CDC7: variants seen among roughly 807,000 people sequenced by gnomAD.
CDC7 encodes the protein cell division cycle 7.
In CDC7, 34 loss-of-function variants were observed where a neutral mutation model predicts 53.5. The observed-to-expected ratio is 0.64, with a 90% CI of 0.48 to 0.85. CDC7 has a LOEUF of 0.85. CDC7 is among the 40% of genes least tolerant of loss of function. CDC7 has a pLI of 0.00. For missense variants in CDC7, 594 were observed against 679.7 expected (o/e 0.87, Z 1.40); for synonymous variants, 211 against 222.8 (o/e 0.95, Z 0.47).
chr1:91,502,453 T>C (rs967078199), intron 2 of CDC7, among the ~76,000 whole-genome samples: 23 of 152,196 alleles, frequency 1.5e-4, no homozygotes, highest in African/African-American at 5.5e-4. Context: ...CTGTATTTTT[T>C]TTTTTCTGAA....
At position 91,524,679 on chromosome 1, in the gene CDC7, AT is replaced by A; in HGVS notation, c.*246del. 1 of 386,326 alleles carries A rather than the reference AT, an allele frequency of 2.6e-6. No homozygotes were observed. The highest frequency in any genetic ancestry group is 4.6e-6 in the Non-Finnish European group (1 of 218,390). The allele number at this position is 386,326 out of a possible 1,614,324, so 23.9% of individuals were successfully genotyped here. A position where few individuals can be genotyped will look rare whatever the true frequency, so the allele number is the denominator to read the frequency against. ...CTAAGTAGATTTTAGGTGGGTTCCT[AT>A]TAGGTCAGATTTTTAGCTTCCCTAA... On this transcript the variant is annotated 3_prime_UTR_variant, in exon 12 of 12. Coordinates refer to ENST00000234626, the MANE Select transcript of CDC7 (RefSeq NM_003503.4).
intron 5 of CDC7, 42 bp from the exon 6 acceptor site, chr1:91,511,739 A>C: frequency 6.3e-7 from 1 of 1,597,066 alleles, no homozygotes; most frequent in Non-Finnish European, 8.6e-7. Context: ...ATTTAATTGC[A>C]AACAATATTT....
At chr1:91,502,580 T>C (rs1177201281) in intron 2 of CDC7, among the ~76,000 whole-genome samples, 4 of 152,236 alleles carry the variant, frequency 2.6e-5, no homozygotes, top group Non-Finnish European at 5.9e-5. Context: ...TAGAAAAATA[T>C]GACATCACAT....
At chr1:91,509,558 T>C (rs1276797844) in intron 4 of CDC7, among the ~76,000 whole-genome samples, 1 of 152,178 alleles carries the variant, frequency 6.6e-6, no homozygotes, top group Non-Finnish European at 1.5e-5. Context: ...AGTTCATCCA[T>C]GTCTTTCTGT....
chr1:91,511,437 G>A (rs559850332), intron 4 of CDC7, among the ~76,000 whole-genome samples, 160 bp from the exon 5 acceptor site: 1 of 152,124 alleles, frequency 6.6e-6, no homozygotes, highest in African/African-American at 2.4e-5. Context: ...ACTTTAACAC[G>A]AGAACACAAG....
intron 7 of CDC7, 137 bp from the exon 8 acceptor site, chr1:91,513,811 T>C: frequency 1.7e-6 from 1 of 587,990 alleles, no homozygotes; most frequent in South Asian, 2.0e-5. Context: ...CAGAAGTGGT[T>C]TGGTGCCTGA....
intron 10 of CDC7, among the ~76,000 whole-genome samples, chr1:91,519,694 A>G (rs1023535235): frequency 1.1e-4 from 17 of 152,238 alleles, no homozygotes; most frequent in Non-Finnish European, 1.5e-4. Context: ...AAGAGCTTCT[A>G]ATGTTCATTA....
intron 9 of CDC7, 68 bp from the exon 10 acceptor site, chr1:91,515,726 G>T (rs1667524614): frequency 6.3e-7 from 1 of 1,581,332 alleles, no homozygotes; most frequent in South Asian, 1.2e-5. Context: ...CTAAATTGAT[G>T]AATGTTATTT....
At chr1:91,516,115 C>T (rs368365057) in intron 10 of CDC7, among the ~76,000 whole-genome samples, 38 of 150,978 alleles carry the variant, frequency 2.5e-4, no homozygotes, top group African/African-American at 6.8e-4. Context: ...TTACATTTTG[C>T]GTATTTATTT....
Position 91,515,659 on chromosome 1 carries a change from T to G in CDC7, c.1098-135T>G, listed in dbSNP as rs534345891. 1.5e-5 allele frequency: 15 copies of G among 995,264 alleles called. No individual in the cohort carries two copies. In the East Asian group the frequency reaches 2.8e-4, roughly 18 times the overall value. The allele number at this position is 995,264 out of a possible 1,614,324, so 61.7% of individuals were successfully genotyped here. On this transcript the variant is annotated intron_variant, in intron 9 of 11. Transcript: ENST00000234626. ...CTAGGATTTTTATCACACTAGATTATCATTTACTTTATAGTAACACTTATT... is the reference window on the plus strand; with the variant it reads ...CTAGGATTTTTATCACACTAGATTAGCATTTACTTTATAGTAACACTTATT...
At chr1:91,515,926 C>A (rs759236240) in intron 10 of CDC7, 50 bp downstream of exon 10, 2 of 1,396,004 alleles carry the variant, frequency 1.4e-6, no homozygotes, top group South Asian at 1.2e-5. Flanking sequence ...TTGTTCCAGA[C>A]GTATTTTATT....
At chr1:91,511,744 A>G (rs1667297337) in intron 5 of CDC7, 37 bp from the exon 6 acceptor site, 5 of 1,598,564 alleles carry the variant, frequency 3.1e-6, no homozygotes, top group Non-Finnish European at 4.3e-6. Context: ...ATTGCAAACA[A>G]TATTTGTAAC....
chr1:91,513,244 AG>A lies in CDC7; in HGVS notation c.760del (p.Ala254LeufsTer25), dbSNP rs769102347. 6.2e-7 allele frequency: 1 copy of A among 1,613,524 alleles called. No individual in the cohort carries two copies. On this transcript the variant is annotated frameshift_variant, in exon 7 of 12. Coordinates refer to ENST00000234626, the MANE Select transcript of CDC7 (RefSeq NM_003503.4). LOFTEE classifies it high-confidence loss of function. ...AGCTGGATCAGCAGTCCACCACAAA[AG>A]CTTCTGTTAAAAGACCCTACACAAA... Reference protein sequence around the residue: ...KELDQQSTTKASVKRPYTNAQ... With the variant: ...KELDQQSTTKXSVKRPYTNAQ...
intron 6 of CDC7, 70 bp from the exon 7 acceptor site, chr1:91,512,988 T>G: frequency 2.5e-5 from 32 of 1,280,400 alleles, no homozygotes; most frequent in Non-Finnish European, 3.3e-5. Context: ...GAGGATGGTT[T>G]GAGAGTATTA....
chr1:91,502,829 C>T (rs912127593), intron 2 of CDC7, among the ~76,000 whole-genome samples: 1 of 152,168 alleles, frequency 6.6e-6, no homozygotes, highest in African/African-American at 2.4e-5. Flanking sequence ...TTCCATTCTT[C>T]AGTTCATCTT....
rs1280027180 is a variant in CDC7 at position 91,524,681 on chromosome 1, TAGGTC to T, written c.*249_*253del. 1 of 385,142 alleles carries T rather than the reference TAGGTC, an allele frequency of 2.6e-6. No individual in the cohort carries two copies. The highest frequency in any genetic ancestry group is 4.1e-5 in the East Asian group (1 of 24,210). 23.9% of individuals were successfully genotyped at this position (385,142 alleles called of 1,614,324 possible). On this transcript the variant is annotated 3_prime_UTR_variant, in exon 12 of 12. Coordinates refer to ENST00000234626, the MANE Select transcript of CDC7 (RefSeq NM_003503.4). The stretch of plus-strand genomic sequence containing the variant: ...AAGTAGATTTTAGGTGGGTTCCTAT[TAGGTC>T]AGATTTTTAGCTTCCCTAATTACCT...
At chr1:91,501,310 T>C (rs1035476451) in intron 1 of CDC7, 4 of 178,184 alleles carry the variant, frequency 2.2e-5, no homozygotes, top group Non-Finnish European at 4.8e-5. Context: ...AAAGGTTTTC[T>C]CCCTCAGTTC....
chr1:91,520,181 G>A lies in CDC7; in HGVS notation c.1232G>A (p.Arg411Gln), dbSNP rs973834750. Residue 411 changes from arginine (R) to glutamine (Q), a missense_variant, in exon 11 of 12, where the codon CGA becomes CAA. Coordinates refer to ENST00000234626, the MANE Select transcript of CDC7 (RefSeq NM_003503.4). ...ATATTTCTTTCTTTGCTTAGTGGACGATATCCATTTTATAAAGCAAGTGAT... is the reference window on the plus strand; with the variant it reads ...ATATTTCTTTCTTTGCTTAGTGGACAATATCCATTTTATAAAGCAAGTGAT... ...GVIFLSLLSG[R>Q]YPFYKASDDL... The A allele has an allele frequency of 1.9e-6, 3 of 1,609,108 alleles. No individual in the cohort carries two copies. The South Asian group carries it at 3.3e-5, about 18-fold the overall frequency.
rs1668173691 is a variant in CDC7, at chr1:91,524,744, T to TAATTAATTAAAACTAAAAC, written c.*310_*311insATTAATTAAAACTAAAACA. ...ACATATACAGAAAAAGGAGCAGTTT[T>TAATTAATTAAAACTAAAAC]AGTTTTAATTAATTAAAATTAACAG... is the stretch of plus-strand genomic sequence containing the variant. On this transcript the variant is annotated 3_prime_UTR_variant, in exon 12 of 12. Transcript: ENST00000234626. 8.8e-6 allele frequency: 2 copies of TAATTAATTAAAACTAAAAC among 226,336 alleles called. No individual in the cohort carries two copies. Among genetic ancestry groups the TAATTAATTAAAACTAAAAC allele is most frequent in the African/African-American group, 4.5e-5 (2 of 43,982 alleles). 14.0% of individuals were successfully genotyped at this position (226,336 alleles called of 1,614,324 possible).
Sources: gnomAD v4.1 joint callset for allele counts (sites outside exome capture counted in the v4.1 genomes callset) on GRCh38, gnomAD v4.1.1 for gene constraint, MANE v1.5 for transcripts, NCBI Gene and HGNC (gene_info 2026-07-23, HGNC 2026-07-21) for gene names.